The following SKAP2 variants were observed in gnomAD, a reference collection of about 807,000 sequenced individuals.
SKAP2 encodes src kinase-associated phosphoprotein 2.
In SKAP2, 28 loss-of-function variants were observed where a neutral mutation model predicts 54.9. The ratio of observed to expected loss-of-function variants is 0.51; its 90% CI spans 0.38 to 0.70. The LOEUF (loss-of-function observed/expected upper bound fraction) is 0.70. Among genes scored for constraint, SKAP2 ranks in the 30% least tolerant of loss-of-function variants. The pLI, the probability that SKAP2 is intolerant of heterozygous loss-of-function variation, is 0.00. For missense variants in SKAP2, 356 were observed against 424.1 expected, an observed-to-expected ratio of 0.84 and a Z score of 1.41; for synonymous variants, 137 against 134.3, an observed-to-expected ratio of 1.02 and a Z score of -0.14.
At chr7:26,792,882 T>G (rs758639607) in intron 4 of SKAP2, among the ~76,000 whole-genome samples, 23 of 152,204 alleles carry the variant, frequency 1.5e-4, no homozygotes, top group Non-Finnish European at 2.6e-4. Flanking sequence ...ACTTTTCATA[T>G]TTCAAAATTA....
chr7:26,697,645 A>ATT (rs144117421), intron 9 of SKAP2, among the ~76,000 whole-genome samples: 4 of 148,980 alleles, frequency 2.7e-5, no homozygotes, highest in African/African-American at 9.8e-5. Context: ...ATTACAGCTC[A>ATT]TTTTTTTTTT....
At chr7:26,850,862 G>C (rs1463611513) in intron 3 of SKAP2, among the ~76,000 whole-genome samples, 5 of 152,038 alleles carry the variant, frequency 3.3e-5, no homozygotes, top group African/African-American at 1.2e-4. Context: ...GGGGAATCAA[G>C]ACTTGCACAT....
chr7:26,662,817 T>C (rs181776721), downstream of SKAP2, among the ~76,000 whole-genome samples: 57 of 152,136 alleles, frequency 3.7e-4, no homozygotes, highest in East Asian at 7.9e-3. Context: ...TTCTGCTGGG[T>C]TCCCAGAAAG....
At chr7:26,778,233 A>G (rs1783355226) in intron 4 of SKAP2, among the ~76,000 whole-genome samples, 1 of 152,122 alleles carries the variant, frequency 6.6e-6, no homozygotes, top group South Asian at 2.1e-4. Flanking sequence ...CACAGTACTT[A>G]AAAGAACACG....
Position 26,851,302 on chromosome 7 carries a change from C to CTATAGTTCCATCTACTA in SKAP2, c.199+2818_199+2834dup, listed in dbSNP as rs879871667. ...ATTAGCTGGGCATGGAGGCAAGCAC[C>CTATAGTTCCATCTACTA]TATAGTTCCATCTACTATATAGTTC... On this transcript the variant is annotated intron_variant, in intron 3 of 12. Coordinates refer to ENST00000345317, the MANE Select transcript of SKAP2 (RefSeq NM_003930.5). Among the ~76,000 whole-genome samples the CTATAGTTCCATCTACTA allele has an allele frequency of 2.7e-5, 4 of 150,848 alleles. No individual in the cohort carries two copies. The East Asian group carries it at 7.8e-4, about 29-fold the overall frequency.
At chr7:26,765,805 C>T (rs1451650612) in intron 4 of SKAP2, among the ~76,000 whole-genome samples, 1 of 151,956 alleles carries the variant, frequency 6.6e-6, no homozygotes, top group Non-Finnish European at 1.5e-5. Flanking sequence ...TTCTGAGGCC[C>T]CTGTTCTGTT....
chr7:26,711,172 A>G (rs1225144996), intron 9 of SKAP2, among the ~76,000 whole-genome samples: 1 of 152,218 alleles, frequency 6.6e-6, no homozygotes, highest in Non-Finnish European at 1.5e-5. Flanking sequence ...TTGTTTCTGA[A>G]GCAGTGACTA....
intron 4 of SKAP2, among the ~76,000 whole-genome samples, chr7:26,765,595 G>A (rs1193891175): frequency 6.6e-6 from 1 of 152,140 alleles, no homozygotes; most frequent in Non-Finnish European, 1.5e-5. Context: ...GGTTTTTATG[G>A]TGTTAGGTTT....
intron 1 of SKAP2, among the ~76,000 whole-genome samples, chr7:26,859,168 A>G (rs1040820414): frequency 6.6e-6 from 1 of 151,624 alleles, no homozygotes; most frequent in African/African-American, 2.4e-5. Flanking sequence ...CTCTCTCTAC[A>G]TTGTGAATTG....
chr7:26,756,649 T>C (rs1301082324), intron 4 of SKAP2, among the ~76,000 whole-genome samples: 2 of 152,206 alleles, frequency 1.3e-5, no homozygotes, highest in East Asian at 1.9e-4. Context: ...TACACGTGCA[T>C]GTGTCTTTAT....
chr7:26,825,580 T>TAAAAAAAAAAAAAAAAAAAA, intron 4 of SKAP2, among the ~76,000 whole-genome samples: 1 of 129,094 alleles, frequency 7.7e-6, no homozygotes, highest in South Asian at 2.4e-4. Context: ...AGCAAACAGT[T>TAAAAAAAAAAAAAAAAAAAA]AAAAAAAAAA....
chr7:26,730,194 A>T (rs184189087), intron 6 of SKAP2, among the ~76,000 whole-genome samples: 1 of 152,318 alleles, frequency 6.6e-6, no homozygotes, highest in Non-Finnish European at 1.5e-5. Flanking sequence ...CTGGAGAGAG[A>T]AACTTCACCA....
intron 3 of SKAP2, among the ~76,000 whole-genome samples, chr7:26,849,020 A>G (rs558689665): frequency 6.6e-6 from 1 of 152,334 alleles, no homozygotes; most frequent in African/African-American, 2.4e-5. Context: ...TACAAGGCCA[A>G]TGGTGGGGGT....
intron 1 of SKAP2, among the ~76,000 whole-genome samples, chr7:26,856,614 T>C (rs1785168922): frequency 6.6e-6 from 1 of 152,160 alleles, no homozygotes; most frequent in Non-Finnish European, 1.5e-5. Context: ...CTTTGGATAT[T>C]TCGATATTAG....
At chr7:26,719,073 A>C (rs530154718) in intron 9 of SKAP2, among the ~76,000 whole-genome samples, 1 of 152,174 alleles carries the variant, frequency 6.6e-6, no homozygotes, top group Admixed American at 6.5e-5. Flanking sequence ...CCAGCTACTT[A>C]AGAGGCTAAG....
chr7:26,744,125 A>G (rs948533000), intron 4 of SKAP2, among the ~76,000 whole-genome samples: 3 of 152,148 alleles, frequency 2.0e-5, no homozygotes, highest in African/African-American at 7.2e-5. Flanking sequence ...ACTCCTGGTG[A>G]TTTTATTAAA....
At chr7:26,726,482 T>C (rs1353733512) in intron 7 of SKAP2, among the ~76,000 whole-genome samples, 1 of 152,160 alleles carries the variant, frequency 6.6e-6, no homozygotes, top group Non-Finnish European at 1.5e-5. Context: ...TACTTTTACC[T>C]TCATTTTCTC....
At chr7:26,839,824 C>A (rs1041718367) in intron 4 of SKAP2, among the ~76,000 whole-genome samples, 1 of 151,892 alleles carries the variant, frequency 6.6e-6, no homozygotes, top group South Asian at 2.1e-4. Flanking sequence ...GTTGTGCACA[C>A]GGACAGGTTT....
At chr7:26,660,529 G>A in the SKAP2 span, among the ~76,000 whole-genome samples, 1 of 151,962 alleles carries the variant, frequency 6.6e-6, no homozygotes, top group Non-Finnish European at 1.5e-5. Context: ...CATAGCTTTA[G>A]GAGAAGCAAA....
Sources: allele counts gnomAD v4.1 joint callset (sites outside exome capture counted in the v4.1 genomes callset), GRCh38; gene constraint gnomAD v4.1.1; transcripts MANE v1.5; gene names NCBI Gene and HGNC (gene_info 2026-07-23, HGNC 2026-07-21).